The following DLGAP2 variants were observed in gnomAD, a reference collection of about 807,000 sequenced individuals.
The protein encoded by DLGAP2 is DLG associated protein 2.
In DLGAP2, 26 loss-of-function variants were observed where a neutral mutation model predicts 100.3. That is an observed-to-expected ratio of 0.26 (90% CI 0.19 to 0.36). DLGAP2 has a LOEUF of 0.36. Among genes scored for constraint, DLGAP2 ranks in the 10% least tolerant of loss-of-function variants. DLGAP2 has a pLI of 1.00. For synonymous variants in DLGAP2, 886 were observed against 630.1 expected, an observed-to-expected ratio of 1.41 and a Z score of -6.08; for missense variants, 1,858 against 1,453.2, an observed-to-expected ratio of 1.28 and a Z score of -4.53.
At chr8:1,102,867 C>G (rs9644303) in intron 2 of DLGAP2, among the ~76,000 whole-genome samples, 37,513 of 151,208 alleles carry the variant, frequency 0.25, 5,461 homozygotes, top group Non-Finnish European at 0.31. Context: ...CTTTGTGAGT[C>G]TCTGGGGTCT....
At chr8:1,178,929 G>A (rs1466601686) in intron 2 of DLGAP2, among the ~76,000 whole-genome samples, 1 of 152,126 alleles carries the variant, frequency 6.6e-6, no homozygotes, top group African/African-American at 2.4e-5. Flanking sequence ...TGGGCACACC[G>A]GCCTCTGCAC....
intron 2 of DLGAP2, among the ~76,000 whole-genome samples, chr8:1,172,297 C>G (rs1335179333): frequency 1.3e-5 from 2 of 152,164 alleles, no homozygotes; most frequent in Non-Finnish European, 2.9e-5. Flanking sequence ...CCCGACCTTT[C>G]TCTCTGGCTC....
chr8:1,554,009 C>T (rs887736100), intron 5 of DLGAP2, among the ~76,000 whole-genome samples: 1 of 152,210 alleles, frequency 6.6e-6, no homozygotes, highest in African/African-American at 2.4e-5. Flanking sequence ...GTCACAGGGC[C>T]AGGCACGGTG....
chr8:1,385,780 A>G (rs994304173), intron 3 of DLGAP2, among the ~76,000 whole-genome samples: 16 of 145,542 alleles, frequency 1.1e-4, no homozygotes, highest in Admixed American at 3.4e-4. Flanking sequence ...AACTTGGTGC[A>G]CAGTTACCCG....
chr8:1,541,277 C>A (rs1030389287), intron 4 of DLGAP2, among the ~76,000 whole-genome samples: 1 of 152,132 alleles, frequency 6.6e-6, no homozygotes, highest in Non-Finnish European at 1.5e-5. Flanking sequence ...TTCATTGAGA[C>A]CTCTGTTGGT....
At chr8:1,200,440 T>A (rs913059894) in intron 2 of DLGAP2, among the ~76,000 whole-genome samples, 1 of 152,212 alleles carries the variant, frequency 6.6e-6, no homozygotes, top group African/African-American at 2.4e-5. Context: ...TCATGGTGTT[T>A]CCGTTCACAC....
chr8:854,911 C>T lies in DLGAP2; in HGVS notation c.19-53001C>T, dbSNP rs116372851. 3.8e-3 allele frequency among the ~76,000 whole-genome samples: 583 copies of T among 152,292 alleles called. 7 individuals carry two copies. The highest frequency in any genetic ancestry group is 0.013 in the African/African-American group (544 of 41,562). ...AAACAGTAGTGAGGAACGGCATGCC[C>T]GGATTTTCTTTGTGGAAAGGTGGTG... is the stretch of plus-strand genomic sequence containing the variant. On this transcript the variant is annotated intron_variant, in intron 1 of 14. Transcript: ENST00000637795.
intron 3 of DLGAP2, among the ~76,000 whole-genome samples, chr8:1,323,445 T>A (rs1206708268): frequency 1.3e-5 from 2 of 152,236 alleles, no homozygotes; most frequent in Non-Finnish European, 2.9e-5. Context: ...TAAGTTTACG[T>A]GACAACCATG....
At chr8:1,094,934 A>G (rs981203320) in intron 2 of DLGAP2, among the ~76,000 whole-genome samples, 12 of 152,232 alleles carry the variant, frequency 7.9e-5, no homozygotes, top group Non-Finnish European at 1.6e-4. Context: ...AAGTGGACAC[A>G]GGGAGAAACA....
At chr8:1,128,550 T>C (rs1796222289) in intron 2 of DLGAP2, among the ~76,000 whole-genome samples, 1 of 152,224 alleles carries the variant, frequency 6.6e-6, no homozygotes, top group Admixed American at 6.5e-5. Context: ...AGCAACAAGC[T>C]GCACCACACA....
rs1801037837 is a variant in DLGAP2, at chr8:1,327,030, C to A, written c.106+68147C>A. On this transcript the variant is annotated intron_variant, in intron 3 of 14. Transcript: ENST00000637795. ...TAAGGCCTAGGCAGTGATTCTGAAG[C>A]AAATGTTTCCATTGCGAAAATCCCG... Among the ~76,000 whole-genome samples the A allele has an allele frequency of 3.3e-5, 5 of 152,230 alleles. No individual in the cohort carries two copies. In the South Asian group the frequency reaches 1.0e-3, roughly 31 times the overall value.
intron 3 of DLGAP2, chr8:1,379,557 C>G (rs1478524568): frequency 1.3e-5 from 2 of 152,242 alleles, no homozygotes; most frequent in African/African-American, 4.8e-5. Context: ...TATTCAGTCT[C>G]TTCTTGTAAG....
chr8:1,142,845 T>A (rs1796545206), intron 2 of DLGAP2, among the ~76,000 whole-genome samples: 1 of 152,086 alleles, frequency 6.6e-6, no homozygotes, highest in South Asian at 2.1e-4. Context: ...GAGGAGATGC[T>A]GGGATCATGG....
At chr8:1,458,165 CA>C in intron 3 of DLGAP2, among the ~76,000 whole-genome samples, 1 of 151,726 alleles carries the variant, frequency 6.6e-6, no homozygotes, top group Non-Finnish European at 1.5e-5. Flanking sequence ...CTCGGCCTCC[CA>C]AAGTGCTGGG....
At chr8:1,188,508 C>T (rs865812571) in intron 2 of DLGAP2, among the ~76,000 whole-genome samples, 16 of 122,808 alleles carry the variant, frequency 1.3e-4, no homozygotes, top group Admixed American at 5.0e-4. Context: ...GAATCTCACA[C>T]GCCCGGGACC....
At position 1,201,760 on chromosome 8, in the gene DLGAP2, C is replaced by A. The variant is rs185458029; in HGVS notation, c.74-57091C>A. Among the ~76,000 whole-genome samples the A allele has an allele frequency of 3.3e-5, 5 of 152,330 alleles. No individual in the cohort carries two copies. The East Asian group carries it at 9.7e-4, about 29-fold the overall frequency. Reference sequence around the variant, plus strand: ...GTGAGGGGCTTGTGTGCTGTGCCCTCCCTCATCACCAGGCAGCATCCGCAG... The same window carrying A: ...GTGAGGGGCTTGTGTGCTGTGCCCTACCTCATCACCAGGCAGCATCCGCAG... On this transcript the variant is annotated intron_variant, in intron 2 of 14. Transcript: ENST00000637795.
intron 3 of DLGAP2, among the ~76,000 whole-genome samples, chr8:1,319,943 C>G (rs765817345): frequency 6.6e-6 from 1 of 152,130 alleles, no homozygotes; most frequent in Non-Finnish European, 1.5e-5. Flanking sequence ...TGTGCCAGGA[C>G]TTAGCTTTAA....
intron 3 of DLGAP2, among the ~76,000 whole-genome samples, chr8:1,468,610 A>C (rs1798695150): frequency 6.6e-6 from 1 of 152,214 alleles, no homozygotes; most frequent in African/African-American, 2.4e-5. Flanking sequence ...CCACCCTTGA[A>C]GGAAACCTGG....
At chr8:803,092 G>A (rs1796203088) in intron 1 of DLGAP2, among the ~76,000 whole-genome samples, 1 of 152,160 alleles carries the variant, frequency 6.6e-6, no homozygotes, top group African/African-American at 2.4e-5. Flanking sequence ...CGCTGGTGGC[G>A]GCTTCTGGGC....
Sources: allele counts gnomAD v4.1 joint callset (sites outside exome capture counted in the v4.1 genomes callset), GRCh38; gene constraint gnomAD v4.1.1; transcripts MANE v1.5; gene names NCBI Gene and HGNC (gene_info 2026-07-23, HGNC 2026-07-21).